The following SNRPN variants were observed in gnomAD, a reference collection of about 807,000 sequenced individuals.
SNRPN encodes small nuclear ribonucleoprotein-associated protein N.
A neutral mutation model predicts 25.2 loss-of-function variants in SNRPN; 7 were observed. The observed-to-expected ratio is 0.28, with a 90% confidence interval of 0.16 to 0.52. SNRPN has a LOEUF of 0.52. SNRPN is among the 20% of genes least tolerant of loss of function. SNRPN has a pLI of 0.96. For missense variants in SNRPN, 196 were observed against 322.5 expected, an observed-to-expected ratio of 0.61 and a Z score of 3.00; for synonymous variants, 124 against 110.6, an observed-to-expected ratio of 1.12 and a Z score of -0.76.
intron 1 of SNRPN, among the ~76,000 whole-genome samples, chr15:24,879,224 C>T (rs2056341308): frequency 6.6e-6 from 1 of 151,982 alleles, no homozygotes; most frequent in African/African-American, 2.4e-5. Context: ...TGCCTGAGCT[C>T]GGGGGTTCGA....
upstream of SNRPN, among the ~76,000 whole-genome samples, chr15:24,853,290 A>C (rs1345633571): frequency 6.6e-6 from 1 of 152,176 alleles, no homozygotes; most frequent in Non-Finnish European, 1.5e-5. Context: ...CCAGGATGAC[A>C]CATCATATTT....
intron 1 of SNRPN, among the ~76,000 whole-genome samples, chr15:24,958,386 C>CTTTTTTT (rs75210247): frequency 9.7e-5 from 12 of 124,218 alleles, no homozygotes; most frequent in African/African-American, 3.4e-4. Flanking sequence ...GTCCTGTCTC[C>CTTTTTTT]TTTTTTTTTT....
At chr15:24,860,545 T>TA (rs2147172258) in intron 1 of SNRPN, among the ~76,000 whole-genome samples, 1 of 152,282 alleles carries the variant, frequency 6.6e-6, no homozygotes, top group African/African-American at 2.4e-5. Context: ...CATCACAAGT[T>TA]AAAAATGTCA....
chr15:24,909,454 C>T (rs1381082128), intron 2 of SNRPN: 6 of 1,586,652 alleles, frequency 3.8e-6, no homozygotes, highest in Non-Finnish European at 5.1e-6. Context: ...CAGTCACCTC[C>T]ACTTGGCCTT....
At chr15:24,843,173 A>G (rs1269596304) in intron 2 of SNRPN, among the ~76,000 whole-genome samples, 1 of 152,132 alleles carries the variant, frequency 6.6e-6, no homozygotes, top group African/African-American at 2.4e-5. Context: ...TCCTGGGCTC[A>G]ATGATTCTCC....
intron 3 of SNRPN, chr15:24,920,174 T>A (rs1239079401): frequency 6.6e-6 from 1 of 152,186 alleles, no homozygotes; most frequent in Non-Finnish European, 1.5e-5. Context: ...TACCTTCCAC[T>A]TGCATGCACA....
chr15:24,918,285 G>C (rs188698507), intron 2 of SNRPN, among the ~76,000 whole-genome samples: 1 of 147,404 alleles, frequency 6.8e-6, no homozygotes, highest in Non-Finnish European at 1.5e-5. Flanking sequence ...AGATGGTATG[G>C]ATTTTGCATA....
In SNRPN at chr15:24,885,720, G is replaced by GTGTGTGTGTGTA. The variant is rs1301672199; in HGVS notation, c.-578-785_-578-784insATGTGTGTGTGT. 3.1e-4 allele frequency among the ~76,000 whole-genome samples: 39 copies of GTGTGTGTGTGTA among 126,386 alleles called. 1 individual carries two copies. The highest frequency in any genetic ancestry group is 1.1e-3 in the African/African-American group (36 of 31,784). The allele number at this position is 126,386 out of a possible 152,430, so 82.9% of individuals were successfully genotyped here. On this transcript the variant is annotated intron_variant, in intron 1 of 11. Transcript: ENST00000400097. ...TTTCCAGGAAGGAATCTGGGGCTGT[G>GTGTGTGTGTGTA]TGTGTGTGTGTGTGTGTGTGTGTGT...
At chr15:24,824,384 A>G (rs1255069308) in intron 1 of SNRPN, among the ~76,000 whole-genome samples, 3 of 152,098 alleles carry the variant, frequency 2.0e-5, no homozygotes, top group African/African-American at 7.3e-5. Context: ...CCCAAAAGCT[A>G]TAGACATTGG....
At position 24,924,057 on chromosome 15, in the gene SNRPN, G is replaced by A. The variant is rs557005384; in HGVS notation, c.-391+3933G>A. On this transcript the variant is annotated intron_variant, in intron 3 of 11. Transcript: ENST00000400097. The stretch of plus-strand genomic sequence containing the variant: ...GGCTGATCTCAAGCTCCTGAACTCA[G>A]GAGTCTTTCCTCCTGTACAGGAGGG... 3.3e-4 allele frequency among the ~76,000 whole-genome samples: 49 copies of A among 150,336 alleles called. 2 individuals carry two copies. In the South Asian group the frequency reaches 9.3e-3, roughly 29 times the overall value.
chr15:24,908,117 GAC>G lies in SNRPN; in HGVS notation c.-504-11890_-504-11889del, dbSNP rs2058970537. On this transcript the variant is annotated intron_variant, in intron 2 of 11. Transcript: ENST00000400097. ...AGAAAGCACAGAGCAGCCCTTACTA[GAC>G]ACAAATTATGCCAGTGACTTGATGG... Among the ~76,000 whole-genome samples, 6 of 145,246 alleles carry G rather than the reference GAC, an allele frequency of 4.1e-5. No homozygotes were observed. In the South Asian group the frequency reaches 1.3e-3, roughly 32 times the overall value.
intron 1 of SNRPN, among the ~76,000 whole-genome samples, chr15:24,884,287 T>C (rs904291614): frequency 6.6e-6 from 1 of 152,116 alleles, no homozygotes; most frequent in African/African-American, 2.4e-5. Flanking sequence ...TGAGGCATGA[T>C]GGATCCACGG....
intron 2 of SNRPN, among the ~76,000 whole-genome samples, chr15:24,915,454 C>T (rs2059454853): frequency 6.6e-6 from 1 of 152,040 alleles, no homozygotes; most frequent in African/African-American, 2.4e-5. Context: ...AAACAGACTT[C>T]CTTGTTAAAA....
At chr15:24,879,939 G>A (rs1314447230) in intron 1 of SNRPN, among the ~76,000 whole-genome samples, 1 of 152,156 alleles carries the variant, frequency 6.6e-6, no homozygotes, top group Non-Finnish European at 1.5e-5. Context: ...TGGGCTGTTG[G>A]AGAGGAGTGG....
At chr15:24,916,547 C>G (rs898223891) in intron 2 of SNRPN, among the ~76,000 whole-genome samples, 2 of 151,516 alleles carry the variant, frequency 1.3e-5, no homozygotes, top group African/African-American at 2.4e-5. Flanking sequence ...AGAACCAGAT[C>G]GTCTCTAGAA....
chr15:24,946,747 G>A (rs1392045839), intron 3 of SNRPN, among the ~76,000 whole-genome samples: 1 of 152,142 alleles, frequency 6.6e-6, no homozygotes, highest in East Asian at 1.9e-4. Flanking sequence ...GGGATTATAG[G>A]CATGAGCCTG....
intron 3 of SNRPN, among the ~76,000 whole-genome samples, chr15:24,932,078 T>C (rs1412619144): frequency 6.6e-6 from 1 of 152,086 alleles, no homozygotes; most frequent in Admixed American, 6.6e-5. Flanking sequence ...TCTTCTGCTG[T>C]TGGCTGGAAC....
rs2054432880 is a variant in SNRPN at position 24,865,045 on chromosome 15, GC to G, written c.-579+8330del. Among the ~76,000 whole-genome samples, 8 of 135,302 alleles carry G rather than the reference GC, an allele frequency of 5.9e-5. No homozygotes were observed. The South Asian group carries it at 2.0e-3, about 34-fold the overall frequency. 88.8% of individuals were successfully genotyped at this position (135,302 alleles called of 152,430 possible). On this transcript the variant is annotated intron_variant, in intron 1 of 11. Coordinates refer to the SNRPN transcript ENST00000400097. Reference sequence around the variant, plus strand: ...ATGTTCACCTTGGTGTGGAGACTGAGCTTTTTTTTTTTTTTTTTTGAGACAG... The same window carrying G: ...ATGTTCACCTTGGTGTGGAGACTGAGTTTTTTTTTTTTTTTTTTGAGACAG...
chr15:24,908,052 C>CAAAAAAAAAA (rs71127014), intron 2 of SNRPN, among the ~76,000 whole-genome samples: 3 of 70,704 alleles, frequency 4.2e-5, no homozygotes, highest in Non-Finnish European at 7.5e-5. Context: ...GACTCCATCT[C>CAAAAAAAAAA]AAAAAAAAAA....
Sources: gnomAD v4.1 joint callset for allele counts (sites outside exome capture counted in the v4.1 genomes callset) on GRCh38, gnomAD v4.1.1 for gene constraint, MANE v1.5 for transcripts, NCBI Gene and HGNC (gene_info 2026-07-23, HGNC 2026-07-21) for gene names.